EGLN1: variants seen among roughly 807,000 people sequenced by gnomAD.
The protein encoded by EGLN1 is egl nine homolog 1.
Under a neutral mutation model 38.3 loss-of-function variants are expected in EGLN1, and 17 were observed. The ratio of observed to expected loss-of-function variants is 0.44; its 90% CI spans 0.30 to 0.67. The LOEUF (loss-of-function observed/expected upper bound fraction) is 0.67, where lower values mean the gene tolerates loss of function less well. Among genes scored for constraint, EGLN1 ranks in the 30% least tolerant of loss-of-function variants. EGLN1 has a pLI of 0.08. For missense variants in EGLN1, 477 were observed against 603.3 expected, an observed-to-expected ratio of 0.79 and a Z score of 2.19; for synonymous variants, 283 against 257.5, an observed-to-expected ratio of 1.10 and a Z score of -0.95.
chr1:231,400,012 G>T (rs796455672), intron 1 of EGLN1, among the ~76,000 whole-genome samples: 1 of 152,102 alleles, frequency 6.6e-6, no homozygotes, highest in Non-Finnish European at 1.5e-5. Context: ...ACTTTTAGAA[G>T]CCTTGGGGAA....
chr1:231,392,669 C>A (rs2024878), intron 1 of EGLN1, among the ~76,000 whole-genome samples: 82,923 of 152,066 alleles, frequency 0.55, 24,231 homozygotes, highest in Non-Finnish European at 0.65. Flanking sequence ...TGAGGATAAA[C>A]AATAGAATAC....
In EGLN1 at chr1:231,385,751, T is replaced by C. The variant is rs114424091; in HGVS notation, c.892-11652A>G. Among the ~76,000 whole-genome samples the C allele has an allele frequency of 9.7e-3, 1,481 of 152,350 alleles. 32 individuals are homozygous for C. Among genetic ancestry groups the C allele is most frequent in the African/African-American group, 0.034 (1,434 of 41,588 alleles). On this transcript the variant is annotated intron_variant, in intron 1 of 4. Transcript: ENST00000366641. ...AGGTGACTGAGTGGCACCATTTTTG[T>C]AGTACAGCTATAAAGCAGTAAGTTG... is the stretch of plus-strand genomic sequence containing the variant.
chr1:231,416,208 G>C (rs1412252172), intron 1 of EGLN1, among the ~76,000 whole-genome samples: 2 of 151,636 alleles, frequency 1.3e-5, no homozygotes, highest in Admixed American at 1.3e-4. Flanking sequence ...ATGTTGCCCA[G>C]GCTGGTCTTG....
rs116040359 is a variant in EGLN1 at position 231,406,638 on chromosome 1, G to A, written c.891+14360C>T. Among the ~76,000 whole-genome samples, 1,222 of 152,156 alleles carry A rather than the reference G, an allele frequency of 8.0e-3. 20 individuals carry two copies. The highest frequency in any genetic ancestry group is 0.028 in the African/African-American group (1,149 of 41,528). On this transcript the variant is annotated intron_variant, in intron 1 of 4. Coordinates refer to ENST00000366641, the MANE Select transcript of EGLN1 (RefSeq NM_022051.3). Reference sequence around the variant, plus strand: ...CACAGAAACCTTATTCTACCATAACGTGATATGAAATGCTTAAAAATGTTT... The same window carrying A: ...CACAGAAACCTTATTCTACCATAACATGATATGAAATGCTTAAAAATGTTT...
intron 4 of EGLN1, among the ~76,000 whole-genome samples, chr1:231,367,139 T>C (rs1687671257): frequency 6.6e-6 from 1 of 152,244 alleles, no homozygotes; most frequent in African/African-American, 2.4e-5. Context: ...AATTCATAAT[T>C]CTTTGTATTA....
chr1:231,401,588 T>A (rs1027192102), intron 1 of EGLN1, among the ~76,000 whole-genome samples: 9 of 152,152 alleles, frequency 5.9e-5, no homozygotes, highest in African/African-American at 2.2e-4. Context: ...AAGAGCTAAA[T>A]AATTTATGTT....
chr1:231,379,366 T>C (rs1290768322), intron 1 of EGLN1, among the ~76,000 whole-genome samples: 2 of 152,214 alleles, frequency 1.3e-5, no homozygotes, highest in Admixed American at 1.3e-4. Flanking sequence ...CAATGTATAA[T>C]GAAACCAACT....
intron 1 of EGLN1, among the ~76,000 whole-genome samples, chr1:231,382,852 G>C (rs753049730): frequency 1.2e-4 from 18 of 152,110 alleles, no homozygotes; most frequent in Admixed American, 2.6e-4. Context: ...GAGGTCAGAA[G>C]TTTGAGACCA....
intron 1 of EGLN1, among the ~76,000 whole-genome samples, chr1:231,386,174 GA>G (rs1381872519): frequency 1.3e-5 from 2 of 151,852 alleles, no homozygotes; most frequent in Non-Finnish European, 2.9e-5. Flanking sequence ...AAACACTTCT[GA>G]AAAGTTTTTT....
rs1368854548 is a variant in EGLN1, at chr1:231,366,421, T to G, written c.1271A>C (p.Asp424Ala). 6.2e-7 allele frequency: 1 copy of G among 1,613,978 alleles called. No individual in the cohort carries two copies. The change falls in exon 5 of 5, where the codon GAC becomes GCC. Residue 424 changes from aspartate (D) to alanine (A), a missense_variant. This residue lies in a region of EGLN1 where 59 missense variants were observed against 119.0 expected (regional missense o/e 0.50). Coordinates refer to ENST00000366641, the MANE Select transcript of EGLN1 (RefSeq NM_022051.3). ...GCTGGATCAAAGGCTCTAGAAGACG[T>G]CTTTACCGACCGAATCTGAAGGTTT... ...LNKPSDSVGK[D>A]VF
rs1292645712 is a variant in EGLN1, at chr1:231,421,779, C to T, written c.110G>A (p.Arg37His). ...MENLLRCSRC[R>H]SSFYCCKEHQ... ...CTCCTTGCAGCAGTAGAAGGAGCTGCGGCAGCGGCTGCAGCGCAGCAGGTT... is the reference window on the plus strand; with the variant it reads ...CTCCTTGCAGCAGTAGAAGGAGCTGTGGCAGCGGCTGCAGCGCAGCAGGTT... Residue 37 changes from arginine (R) to histidine (H), a missense_variant, in exon 1 of 5, where the codon CGC becomes CAC. Transcript: ENST00000366641. This position sits in a 1 kb window ranked among gnomAD's most constrained non-coding sequence, Gnocchi z 5.5. 2 of 1,557,504 alleles carry T rather than the reference C, an allele frequency of 1.3e-6. No homozygotes were observed. The highest frequency in any genetic ancestry group is 1.7e-6 in the Non-Finnish European group (2 of 1,161,720).
intron 1 of EGLN1, among the ~76,000 whole-genome samples, chr1:231,394,550 T>C (rs890818234): frequency 5.7e-3 from 198 of 34,902 alleles, no homozygotes; most frequent in African/African-American, 9.4e-3. Context: ...GACTAATTTT[T>C]TTTTTTTTTT....
At chr1:231,375,799 G>C (rs1022644656) in intron 1 of EGLN1, among the ~76,000 whole-genome samples, 3 of 152,192 alleles carry the variant, frequency 2.0e-5, no homozygotes, top group African/African-American at 7.2e-5. Flanking sequence ...GTAACTGTAA[G>C]AGGGTACTAA....
At position 231,421,242 on chromosome 1, in the gene EGLN1, T is replaced by C. The variant is rs1450827287; in HGVS notation, c.647A>G (p.Lys216Arg). Residue 216 changes from lysine to arginine, a missense_variant, in exon 1 of 5, where the codon AAG (lysine) becomes AGG (arginine). Lys to Arg is a conservative substitution (Grantham distance 26). Around this residue, in one of 4 missense-constraint regions of EGLN1, gnomAD observed 119 missense variants for 179.0 expected, o/e 0.66. Coordinates refer to ENST00000366641, the MANE Select transcript of EGLN1 (RefSeq NM_022051.3). This position sits in a 1 kb window ranked among gnomAD's most constrained non-coding sequence, Gnocchi z 5.5. ...GTCGCCGATCTGCTGTCCGGTCTCC[T>C]TGCCGAGGAAGTCGTCCACCACACA... Reference protein sequence around the residue: ...GICVVDDFLGKETGQQIGDEV... With the variant: ...GICVVDDFLGRETGQQIGDEV... The C allele has an allele frequency of 5.6e-6, 9 of 1,613,922 alleles. No individual in the cohort carries two copies. The highest frequency in any genetic ancestry group is 1.1e-5 in the South Asian group (1 of 91,088).
chr1:231,389,744 T>G (rs1688319808), intron 1 of EGLN1, among the ~76,000 whole-genome samples: 1 of 152,120 alleles, frequency 6.6e-6, no homozygotes, highest in Admixed American at 6.6e-5. Context: ...GTCAAGAGAT[T>G]GAGACCATCC....
At chr1:231,402,113 T>G (rs1380627876) in intron 1 of EGLN1, among the ~76,000 whole-genome samples, 1 of 152,208 alleles carries the variant, frequency 6.6e-6, no homozygotes, top group African/African-American at 2.4e-5. Context: ...GTATCTTCTT[T>G]TGTGAAAAAG....
At chr1:231,382,065 G>A (rs1688091139) in intron 1 of EGLN1, among the ~76,000 whole-genome samples, 1 of 152,208 alleles carries the variant, frequency 6.6e-6, no homozygotes, top group Non-Finnish European at 1.5e-5. Flanking sequence ...CGTTGGAAGA[G>A]TCTGCAATTC....
Position 231,364,815 on chromosome 1 carries a change from A to G in EGLN1, c.*1596T>C, listed in dbSNP as rs979505277. The G allele has an allele frequency of 1.3e-5, 2 of 152,182 alleles. No homozygotes were observed. Among genetic ancestry groups the G allele is most frequent in the African/African-American group, 4.8e-5 (2 of 41,434 alleles). 9.4% of individuals were successfully genotyped at this position (152,182 alleles called of 1,614,324 possible). ...AAAACCTAAGTGGGCAAGGTCTTAC[A>G]CCCATAATTCACGCAAAATATGGAT... On this transcript the variant is annotated 3_prime_UTR_variant, in exon 5 of 5. Coordinates refer to ENST00000366641, the MANE Select transcript of EGLN1 (RefSeq NM_022051.3).
At chr1:231,420,862 C>T in intron 1 of EGLN1, 136 bp downstream of exon 1, 1 of 1,550,972 alleles carries the variant, frequency 6.4e-7, no homozygotes, top group East Asian at 2.3e-5. Flanking sequence ...GTCTTCCTTA[C>T]GGGGAGCTAC....
Sources: allele counts gnomAD v4.1 joint callset (sites outside exome capture counted in the v4.1 genomes callset), GRCh38; gene constraint gnomAD v4.1.1; regional missense constraint gnomAD v4.1.1; non-coding constraint Gnocchi (gnomAD v3.1); transcripts MANE v1.5; gene names NCBI Gene and HGNC (gene_info 2026-07-23, HGNC 2026-07-21).